The following KCNU1 variants were observed in gnomAD, a reference collection of about 807,000 sequenced individuals.
The protein encoded by KCNU1 is potassium calcium-activated channel subfamily U member 1.
In KCNU1, 93 loss-of-function variants were observed where a neutral mutation model predicts 126.8. The ratio of observed to expected loss-of-function variants is 0.73; its 90% CI spans 0.62 to 0.87. The LOEUF is 0.87. KCNU1 is among the 40% of genes least tolerant of loss of function. The pLI, the probability that KCNU1 is intolerant of heterozygous loss-of-function variation, is 0.00. For synonymous variants in KCNU1, 523 were observed against 494.2 expected (o/e 1.06, Z -0.77); for missense variants, 1,330 against 1,367.1 (o/e 0.97, Z 0.43).
At position 36,929,435 on chromosome 8, in the gene KCNU1, A is replaced by G. The variant is rs201806000; in HGVS notation, c.2737-1516A>G. Among the ~76,000 whole-genome samples, 2,140 of 149,382 alleles carry G rather than the reference A, an allele frequency of 0.014. 142 individuals carry two copies. The East Asian group carries it at 0.21, about 15-fold the overall frequency. On this transcript the variant is annotated intron_variant, in intron 24 of 26. Coordinates refer to ENST00000399881, the MANE Select transcript of KCNU1 (RefSeq NM_001031836.3). ...ACAAAAAACAAACAAACAAAAAAAA[A>G]CCATGAATTGCTCAAAGGCACCCAG... is the stretch of plus-strand genomic sequence containing the variant.
intron 1 of KCNU1, among the ~76,000 whole-genome samples, chr8:36,785,913 C>A (rs1802696191): frequency 6.6e-6 from 1 of 152,092 alleles, no homozygotes; most frequent in Non-Finnish European, 1.5e-5. Flanking sequence ...TCCAGGTATA[C>A]CCTTTAATTA....
intron 19 of KCNU1, among the ~76,000 whole-genome samples, chr8:36,899,956 C>T (rs1349824869): frequency 2.6e-5 from 4 of 152,210 alleles, no homozygotes; most frequent in South Asian, 2.1e-4. Flanking sequence ...GCAGAATGGC[C>T]GGTAGACAGT....
intron 19 of KCNU1, among the ~76,000 whole-genome samples, chr8:36,880,927 G>A (rs1012949804): frequency 2.0e-5 from 3 of 152,112 alleles, no homozygotes; most frequent in Non-Finnish European, 4.4e-5. Context: ...TCCTGTTGTT[G>A]GGCTTGGGGA....
chr8:36,808,670 G>A (rs755480227), intron 6 of KCNU1, 48 bp from the exon 7 acceptor site: 1 of 1,186,640 alleles, frequency 8.4e-7, no homozygotes, highest in Non-Finnish European at 1.2e-6. Flanking sequence ...TGTTTGTGTT[G>A]TTCTGGAATC....
chr8:36,804,060 CTT>C lies in KCNU1; in HGVS notation c.350_351del (p.Leu117HisfsTer9). 6.4e-7 allele frequency: 1 copy of C among 1,560,094 alleles called. No homozygotes were observed. The highest frequency in any genetic ancestry group is 8.7e-7 in the Non-Finnish European group (1 of 1,149,460). ...ILVFVLSIGS[L>X]IIYFINSADP... ...TGTCTTTGTACTAAGCATTGGGTCTCTTATAATCTATTTCATCAATTCTGCTG... is the reference window on the plus strand; with the variant it reads ...TGTCTTTGTACTAAGCATTGGGTCTCATAATCTATTTCATCAATTCTGCTG... On this transcript the variant is annotated frameshift_variant, in exon 3 of 27. Coordinates refer to ENST00000399881, the MANE Select transcript of KCNU1 (RefSeq NM_001031836.3). LOFTEE classifies it high-confidence loss of function.
intron 10 of KCNU1, among the ~76,000 whole-genome samples, chr8:36,826,846 G>C (rs2130515634): frequency 6.6e-6 from 1 of 152,148 alleles, no homozygotes; most frequent in South Asian, 2.1e-4. Flanking sequence ...GTACCCATTA[G>C]TTATTTTTGA....
intron 7 of KCNU1, among the ~76,000 whole-genome samples, chr8:36,811,293 A>G (rs1319730509): frequency 6.6e-6 from 1 of 152,188 alleles, no homozygotes; most frequent in East Asian, 1.9e-4. Context: ...GTATTCCATG[A>G]AACATAATTC....
At chr8:36,817,963 T>C (rs1023243539) in intron 10 of KCNU1, among the ~76,000 whole-genome samples, 1 of 152,224 alleles carries the variant, frequency 6.6e-6, no homozygotes, top group Non-Finnish European at 1.5e-5. Flanking sequence ...TTTTTCTGCA[T>C]AGGTACTAAT....
At chr8:36,880,923 TGTTGGG>T (rs1563312386) in intron 19 of KCNU1, among the ~76,000 whole-genome samples, 1 of 152,038 alleles carries the variant, frequency 6.6e-6, no homozygotes, top group African/African-American at 2.4e-5. Flanking sequence ...AACATCCTGT[TGTTGGG>T]CTTGGGGATG....
intron 10 of KCNU1, among the ~76,000 whole-genome samples, chr8:36,827,939 A>G (rs1804386102): frequency 6.6e-6 from 1 of 152,158 alleles, no homozygotes; most frequent in Admixed American, 6.6e-5. Flanking sequence ...GAGTACTTCG[A>G]GTAGAGGAAA....
intron 10 of KCNU1, among the ~76,000 whole-genome samples, chr8:36,832,080 G>A (rs1280404597): frequency 2.0e-5 from 3 of 152,166 alleles, no homozygotes; most frequent in South Asian, 2.1e-4. Context: ...CAGATATGCA[G>A]CGTTATTTCT....
At chr8:36,826,202 ATTTAT>A (rs1222096567) in intron 10 of KCNU1, among the ~76,000 whole-genome samples, 1 of 147,436 alleles carries the variant, frequency 6.8e-6, no homozygotes, top group Non-Finnish European at 1.5e-5. Flanking sequence ...ATTTTTTATT[ATTTAT>A]TTTATTTTAT....
chr8:36,877,026 A>G (rs1806300148), intron 19 of KCNU1, among the ~76,000 whole-genome samples: 1 of 152,140 alleles, frequency 6.6e-6, no homozygotes, highest in African/African-American at 2.4e-5. Context: ...ATGCAATTAT[A>G]AAATCAACAC....
At chr8:36,922,219 T>A (rs545375556) in intron 23 of KCNU1, among the ~76,000 whole-genome samples, 55 of 152,242 alleles carry the variant, frequency 3.6e-4, no homozygotes, top group African/African-American at 1.2e-3. Flanking sequence ...AGGATGACAA[T>A]CAGAACACTT....
At chr8:36,867,385 A>G (rs1041710448) in intron 19 of KCNU1, among the ~76,000 whole-genome samples, 2 of 152,140 alleles carry the variant, frequency 1.3e-5, no homozygotes, top group African/African-American at 4.8e-5. Flanking sequence ...ACGAGAGGAG[A>G]GAATGCACAG....
intron 20 of KCNU1, among the ~76,000 whole-genome samples, chr8:36,909,072 T>C (rs1329424090): frequency 6.6e-6 from 1 of 152,186 alleles, no homozygotes; most frequent in Non-Finnish European, 1.5e-5. Context: ...CATTCCAAGC[T>C]AATAGAAAAC....
chr8:36,866,956 A>G (rs1434935749), intron 19 of KCNU1, among the ~76,000 whole-genome samples: 1 of 152,194 alleles, frequency 6.6e-6, no homozygotes, highest in East Asian at 1.9e-4. Flanking sequence ...CACATTCTAC[A>G]CACATATCAA....
At chr8:36,810,229 T>A (rs927762420) in intron 7 of KCNU1, among the ~76,000 whole-genome samples, 3 of 150,152 alleles carry the variant, frequency 2.0e-5, no homozygotes, top group African/African-American at 7.4e-5. Context: ...TCCAGCCTGG[T>A]GACAGAGCAA....
intron 26 of KCNU1, among the ~76,000 whole-genome samples, chr8:36,934,226 C>T (rs1017773264): frequency 6.6e-6 from 1 of 152,046 alleles, no homozygotes; most frequent in Admixed American, 6.6e-5. Flanking sequence ...TACTGGAAGT[C>T]ATAGCAATAC....
Sources: gnomAD v4.1 joint callset for allele counts (sites outside exome capture counted in the v4.1 genomes callset) on GRCh38, gnomAD v4.1.1 for gene constraint, MANE v1.5 for transcripts, NCBI Gene and HGNC (gene_info 2026-07-23, HGNC 2026-07-21) for gene names.